Variants in CELF2 observed in about 807,000 individuals in gnomAD.
The protein encoded by CELF2 is CUGBP Elav-like family member 2.
A neutral mutation model predicts 62.6 loss-of-function variants in CELF2; 8 were observed. The observed-to-expected ratio is 0.13, with a 90% CI of 0.07 to 0.23. CELF2 has a LOEUF of 0.23. Among genes scored for constraint, CELF2 ranks in the 10% least tolerant of loss-of-function variants. The pLI, the probability that CELF2 is intolerant of heterozygous loss-of-function variation, is 1.00. For synonymous variants in CELF2, 258 were observed against 250.0 expected (o/e 1.03, Z -0.30); for missense variants, 333 against 671.0 (o/e 0.50, Z 5.56).
the CELF2 span, among the ~76,000 whole-genome samples, chr10:10,695,641 C>A: frequency 6.6e-6 from 1 of 152,136 alleles, no homozygotes; most frequent in South Asian, 2.1e-4. Context: ...CTTTCAGGTA[C>A]ACCAATCAGA....
At chr10:11,225,202 C>G (rs1209533472) in intron 3 of CELF2, among the ~76,000 whole-genome samples, 3 of 152,116 alleles carry the variant, frequency 2.0e-5, no homozygotes, top group Admixed American at 2.0e-4. Context: ...GTAAACGGTG[C>G]GTGTGGAGAT....
chr10:10,901,922 T>C (rs1304963900), intron 1 of CELF2, among the ~76,000 whole-genome samples: 1 of 152,144 alleles, frequency 6.6e-6, no homozygotes, highest in African/African-American at 2.4e-5. Context: ...GGCAAAAGAT[T>C]TGAATAAGCA....
At chr10:11,099,769 G>A (rs952289718) in intron 1 of CELF2, among the ~76,000 whole-genome samples, 10 of 151,182 alleles carry the variant, frequency 6.6e-5, no homozygotes, top group Non-Finnish European at 1.2e-4. Context: ...AATCTTTCTC[G>A]TAAAGTGGTA....
chr10:10,496,993 C>A, the CELF2 span, among the ~76,000 whole-genome samples: 3 of 152,096 alleles, frequency 2.0e-5, no homozygotes, highest in Admixed American at 6.6e-5. Context: ...AGTTTGAGAT[C>A]AGCCTGGATA....
intron 1 of CELF2, among the ~76,000 whole-genome samples, chr10:10,886,609 G>A (rs1328995179): frequency 1.3e-5 from 2 of 152,240 alleles, no homozygotes; most frequent in Non-Finnish European, 1.5e-5. Context: ...GGCCAAGGCA[G>A]GAGGATGGCT....
At chr10:10,681,770 A>C in the CELF2 span, among the ~76,000 whole-genome samples, 1 of 152,360 alleles carries the variant, frequency 6.6e-6, no homozygotes, top group African/African-American at 2.4e-5. Context: ...TTTTTCATTT[A>C]TAATAGCATA....
chr10:10,567,594 G>A, the CELF2 span, among the ~76,000 whole-genome samples: 1 of 152,102 alleles, frequency 6.6e-6, no homozygotes, highest in African/African-American at 2.4e-5. Context: ...AACCTGAGAT[G>A]AGGCAAAGGG....
chr10:11,030,822 T>C (rs2059992559), intron 1 of CELF2: 1 of 152,236 alleles, frequency 6.6e-6, no homozygotes, highest in South Asian at 2.1e-4. Flanking sequence ...TTGTATTTCA[T>C]AGAGCAATTT....
chr10:10,860,081 A>C (rs1260133018), intron 1 of CELF2, among the ~76,000 whole-genome samples: 7 of 152,170 alleles, frequency 4.6e-5, no homozygotes, highest in Non-Finnish European at 1.0e-4. Context: ...TTTATTAATA[A>C]ATTTATAAGA....
the CELF2 span, among the ~76,000 whole-genome samples, chr10:10,560,264 A>C: frequency 1.3e-5 from 2 of 152,186 alleles, no homozygotes; most frequent in Admixed American, 1.3e-4. Context: ...ACAGGTAAGC[A>C]TAGATCAAAT....
intron 2 of CELF2, among the ~76,000 whole-genome samples, chr10:10,973,287 A>C (rs2050959277): frequency 6.6e-6 from 1 of 151,826 alleles, no homozygotes; most frequent in Non-Finnish European, 1.5e-5. Context: ...TCTCAAAAAA[A>C]CAAAACAGAA....
chr10:10,609,608 G>T, the CELF2 span, among the ~76,000 whole-genome samples: 5 of 152,190 alleles, frequency 3.3e-5, no homozygotes, highest in Admixed American at 1.3e-4. Flanking sequence ...GGCAAACTTT[G>T]CTGGGGCCAA....
the CELF2 span, among the ~76,000 whole-genome samples, chr10:10,524,397 A>T: frequency 6.7e-6 from 1 of 150,218 alleles, no homozygotes; most frequent in African/African-American, 2.5e-5. Flanking sequence ...TTAAGGCTAC[A>T]GTTAGGCCCT....
intron 1 of CELF2, among the ~76,000 whole-genome samples, chr10:11,029,075 G>T (rs12355515): frequency 0.71 from 108,575 of 152,040 alleles, 43,584 homozygotes; most frequent in East Asian, 0.9. Flanking sequence ...GGCAGCCTTG[G>T]GTGGCCTCAT....
At chr10:10,819,313 G>C (rs1278042209) in intron 1 of CELF2, among the ~76,000 whole-genome samples, 1 of 152,192 alleles carries the variant, frequency 6.6e-6, no homozygotes, top group Non-Finnish European at 1.5e-5. Flanking sequence ...AAGGGAACCT[G>C]AGTCAACTAA....
chr10:10,650,685 T>C, the CELF2 span, among the ~76,000 whole-genome samples: 26 of 152,346 alleles, frequency 1.7e-4, 1 homozygote, highest in South Asian at 5.2e-3. Flanking sequence ...AAGAAATGTG[T>C]GCAAGAATGT....
chr10:10,513,991 C>G, the CELF2 span, among the ~76,000 whole-genome samples: 1 of 152,168 alleles, frequency 6.6e-6, no homozygotes, highest in Non-Finnish European at 1.5e-5. Flanking sequence ...AAGCCTAGAC[C>G]CTTCCTCTTG....
the CELF2 span, among the ~76,000 whole-genome samples, chr10:10,508,014 G>T: frequency 3.3e-5 from 5 of 152,080 alleles, no homozygotes; most frequent in Non-Finnish European, 5.9e-5. Flanking sequence ...TTTATTTTCT[G>T]TGTGCTACAT....
At chr10:10,570,359 C>G in the CELF2 span, among the ~76,000 whole-genome samples, 1 of 152,238 alleles carries the variant, frequency 6.6e-6, no homozygotes, top group South Asian at 2.1e-4. Context: ...AAACAGAAAA[C>G]CTCAGCTCAA....
Sources: allele counts gnomAD v4.1 joint callset (sites outside exome capture counted in the v4.1 genomes callset), GRCh38; gene constraint gnomAD v4.1.1; transcripts MANE v1.5; gene names NCBI Gene and HGNC (gene_info 2026-07-23, HGNC 2026-07-21).